The following SH3PXD2A variants were observed in gnomAD, a reference collection of about 807,000 sequenced individuals.
The protein encoded by SH3PXD2A is SH3 and PX domain-containing protein 2A.
A neutral mutation model predicts 115.2 loss-of-function variants in SH3PXD2A; 32 were observed. The observed-to-expected ratio is 0.28, with a 90% CI of 0.21 to 0.37. The LOEUF (loss-of-function observed/expected upper bound fraction) is 0.37. Ranked by LOEUF, SH3PXD2A falls within the 10% of genes least tolerant of loss-of-function variation. SH3PXD2A has a pLI of 1.00. For synonymous variants in SH3PXD2A, 610 were observed against 629.1 expected (o/e 0.97, Z 0.45); for missense variants, 1,328 against 1,498.7 (o/e 0.89, Z 1.88).
At chr10:103,804,724 C>G (rs2039184273) in intron 1 of SH3PXD2A, among the ~76,000 whole-genome samples, 3 of 152,188 alleles carry the variant, frequency 2.0e-5, no homozygotes, top group Admixed American at 1.3e-4. Flanking sequence ...AACAAAGGCG[C>G]CTTCTAAGAG....
chr10:103,650,875 T>A (rs1440890324), intron 8 of SH3PXD2A, among the ~76,000 whole-genome samples: 1 of 152,236 alleles, frequency 6.6e-6, no homozygotes, highest in Non-Finnish European at 1.5e-5. Context: ...TAGGATGCTG[T>A]CACCTTCAGC....
chr10:103,748,340 C>T (rs2038532477), intron 3 of SH3PXD2A, among the ~76,000 whole-genome samples: 2 of 152,188 alleles, frequency 1.3e-5, no homozygotes, highest in Non-Finnish European at 2.9e-5. Context: ...CATGCCTAGG[C>T]TCCTAATGAT....
At chr10:103,711,891 C>A (rs1412932896) in intron 5 of SH3PXD2A, among the ~76,000 whole-genome samples, 1 of 151,892 alleles carries the variant, frequency 6.6e-6, no homozygotes, top group East Asian at 1.9e-4. Flanking sequence ...CCCGTCTCTA[C>A]AAAAAATAAA....
chr10:103,647,627 A>C (rs1221991498), intron 8 of SH3PXD2A, among the ~76,000 whole-genome samples: 3 of 152,174 alleles, frequency 2.0e-5, no homozygotes, highest in Non-Finnish European at 4.4e-5. Flanking sequence ...ACAGGGTTAA[A>C]TTCTCCTGAG....
At chr10:103,702,311 G>A (rs1266414584) in intron 5 of SH3PXD2A, among the ~76,000 whole-genome samples, 1 of 152,316 alleles carries the variant, frequency 6.6e-6, no homozygotes, top group East Asian at 1.9e-4. Context: ...CCATCTAGCT[G>A]GAAAGAGATG....
chr10:103,622,483 C>A lies in SH3PXD2A; in HGVS notation c.789G>T (p.Arg263Ser), dbSNP rs1564846600. Residue 263 changes from arginine (R) to serine (S), a missense_variant, in exon 10 of 15, where the codon AGG becomes AGT. Arg to Ser is a moderately radical substitution (Grantham distance 110). This residue lies in a region of SH3PXD2A where 509 missense variants were observed against 628.3 expected (regional missense o/e 0.81). Coordinates refer to ENST00000369774, the MANE Select transcript of SH3PXD2A (RefSeq NM_001394015.1). ...RRWTLGGMVN[R>S]QHSREEKYVT... is the part of the protein sequence containing the mutation. Reference sequence around the variant, plus strand: ...TCCCGCAGTCACCTCGGCTGTGCTGCCTGTTGACCATCCCGCCCAGGGTCC... The same window carrying A: ...TCCCGCAGTCACCTCGGCTGTGCTGACTGTTGACCATCCCGCCCAGGGTCC... The A allele has an allele frequency of 1.9e-6, 3 of 1,549,718 alleles. No homozygotes were observed. Among genetic ancestry groups the A allele is most frequent in the Non-Finnish European group, 2.6e-6 (3 of 1,146,420 alleles).
At chr10:103,704,903 C>G (rs893052394) in intron 5 of SH3PXD2A, among the ~76,000 whole-genome samples, 3 of 152,202 alleles carry the variant, frequency 2.0e-5, no homozygotes, top group Non-Finnish European at 2.9e-5. Flanking sequence ...GTGGTGGCAG[C>G]CCTCTCTGTG....
chr10:103,672,046 A>G (rs2037467890), intron 6 of SH3PXD2A, among the ~76,000 whole-genome samples: 1 of 152,162 alleles, frequency 6.6e-6, no homozygotes, highest in African/African-American at 2.4e-5. Flanking sequence ...AGCACTTTGG[A>G]GGCCGAGGTG....
In SH3PXD2A at chr10:103,596,176, AG is replaced by A. The variant is rs1219041728; in HGVS notation, c.*5639del. ...ACCACCTGACCCACCCTCTGAAACA[AG>A]GACGAAAGGGCTGGCAGCTTTCATT... On this transcript the variant is annotated 3_prime_UTR_variant, in exon 15 of 15. Transcript: ENST00000369774. 1 of 152,234 alleles carries A rather than the reference AG, an allele frequency of 6.6e-6. No homozygotes were observed. Among genetic ancestry groups the A allele is most frequent in the Non-Finnish European group, 1.5e-5 (1 of 68,042 alleles). The allele number at this position is 152,234 out of a possible 1,614,324, so 9.4% of individuals were successfully genotyped here. A position where few individuals can be genotyped will look rare whatever the true frequency, so the allele number is the denominator to read the frequency against.
intron 8 of SH3PXD2A, among the ~76,000 whole-genome samples, chr10:103,651,990 C>T (rs1467728888): frequency 6.6e-6 from 1 of 152,222 alleles, no homozygotes; most frequent in Non-Finnish European, 1.5e-5. Flanking sequence ...AAAACCCACC[C>T]ACAGTTCACT....
intron 5 of SH3PXD2A, among the ~76,000 whole-genome samples, chr10:103,714,809 G>A (rs139797293): frequency 2.0e-3 from 299 of 152,358 alleles, no homozygotes; most frequent in African/African-American, 5.6e-3. Context: ...CTGGCCAGAT[G>A]GGTGGTGGCA....
At chr10:103,796,659 G>A (rs2134258530) in intron 2 of SH3PXD2A, among the ~76,000 whole-genome samples, 1 of 152,212 alleles carries the variant, frequency 6.6e-6, no homozygotes, top group South Asian at 2.1e-4. Context: ...GGGGGCCTCA[G>A]CACAGGCCCA....
rs1233822583 is a variant in SH3PXD2A at position 103,620,310 on chromosome 10, G to C, written c.802+2160C>G. Among the ~76,000 whole-genome samples the C allele has an allele frequency of 2.0e-5, 3 of 152,282 alleles. No homozygotes were observed. Among genetic ancestry groups the C allele is most frequent in the Admixed American group, 2.0e-4 (3 of 15,304 alleles). ...CTGCCCTGGGGAGGGCTGGCCAGGC[G>C]GTCAGCCGGGTGGGTGAGGGGGATA... On this transcript the variant is annotated intron_variant, in intron 10 of 14. Coordinates refer to ENST00000369774, the MANE Select transcript of SH3PXD2A (RefSeq NM_001394015.1). The surrounding 1 kb of genome is among the most constrained non-coding windows in gnomAD (Gnocchi z 5.3).
At chr10:103,658,513 G>A (rs1208085213) in intron 8 of SH3PXD2A, among the ~76,000 whole-genome samples, 1 of 152,212 alleles carries the variant, frequency 6.6e-6, no homozygotes, top group Non-Finnish European at 1.5e-5. Flanking sequence ...GAACTGGGAA[G>A]CGACCATCCC....
At chr10:103,642,906 G>A (rs998504574) in intron 8 of SH3PXD2A, among the ~76,000 whole-genome samples, 2 of 152,162 alleles carry the variant, frequency 1.3e-5, no homozygotes, top group African/African-American at 4.8e-5. Flanking sequence ...AAAAGCTGTA[G>A]GCTGACAACC....
In SH3PXD2A at chr10:103,603,641, G is replaced by T; in HGVS notation, c.1577C>A (p.Ala526Glu). 1 of 1,603,722 alleles carries T rather than the reference G, an allele frequency of 6.2e-7. No homozygotes were observed. Residue 526 changes from alanine to glutamate, a missense_variant, in exon 15 of 15, where the codon GCA (alanine) becomes GAA (glutamate). Around this residue, in one of 5 missense-constraint regions of SH3PXD2A, gnomAD observed 509 missense variants for 628.3 expected, o/e 0.81. Transcript: ENST00000369774. Reference protein sequence around the residue: ...TLTRPKVPPPAPPSKPKEAEE... With the variant: ...TLTRPKVPPPEPPSKPKEAEE... ...GGCCTCCTTGGGCTTGCTGGGGGGT[G>T]CTGGCGGGGGCACCTTGGGCCGGGT...
At chr10:103,810,807 C>G (rs925326245) in intron 1 of SH3PXD2A, among the ~76,000 whole-genome samples, 9 of 150,512 alleles carry the variant, frequency 6.0e-5, no homozygotes, top group South Asian at 2.1e-4. Flanking sequence ...AAGTAGGGCA[C>G]AGGGACACAG....
intron 8 of SH3PXD2A, among the ~76,000 whole-genome samples, chr10:103,636,766 C>T (rs531030022): frequency 2.6e-5 from 4 of 152,112 alleles, no homozygotes; most frequent in African/African-American, 9.7e-5. Flanking sequence ...GGGGAGACCC[C>T]CCACTCCTTC....
At chr10:103,831,043 T>C (rs1564899524) in intron 1 of SH3PXD2A, among the ~76,000 whole-genome samples, 1 of 152,258 alleles carries the variant, frequency 6.6e-6, no homozygotes, top group Non-Finnish European at 1.5e-5. Flanking sequence ...GAAGCATCCT[T>C]CCAGTCTGTG....
Sources: gnomAD v4.1 joint callset for allele counts (sites outside exome capture counted in the v4.1 genomes callset) on GRCh38, gnomAD v4.1.1 for gene constraint, gnomAD v4.1.1 regional missense constraint, Gnocchi (gnomAD v3.1) non-coding constraint, MANE v1.5 for transcripts, NCBI Gene and HGNC (gene_info 2026-07-23, HGNC 2026-07-21) for gene names.